NTN1: variants seen among roughly 807,000 people sequenced by gnomAD.
NTN1 encodes the protein netrin-1.
NTN1 carries 11 observed loss-of-function variants against 54.2 expected under a neutral mutation model. The ratio of observed to expected loss-of-function variants is 0.20; its 90% CI spans 0.13 to 0.34. NTN1 has a LOEUF of 0.34. Among genes scored for constraint, NTN1 ranks in the 10% least tolerant of loss-of-function variants. NTN1 has a pLI of 1.00. For synonymous variants in NTN1, 371 were observed against 382.0 expected, an observed-to-expected ratio of 0.97 and a Z score of 0.33; for missense variants, 740 against 893.1, an observed-to-expected ratio of 0.83 and a Z score of 2.18.
At chr17:9,201,777 C>T (rs1174815106) in intron 5 of NTN1, among the ~76,000 whole-genome samples, 2 of 152,006 alleles carry the variant, frequency 1.3e-5, no homozygotes, top group African/African-American at 2.4e-5. Context: ...CTGTGGATGA[C>T]AGGGAGTCAG....
chr17:9,012,627 C>T, the NTN1 span, among the ~76,000 whole-genome samples: 1 of 152,126 alleles, frequency 6.6e-6, no homozygotes, highest in Non-Finnish European at 1.5e-5. Flanking sequence ...CATCTGTCCC[C>T]AGAGCTTCCT....
At chr17:9,115,718 G>A (rs551742028) in intron 2 of NTN1, among the ~76,000 whole-genome samples, 3 of 152,292 alleles carry the variant, frequency 2.0e-5, no homozygotes, top group South Asian at 2.1e-4. Flanking sequence ...TCCCGGGGCC[G>A]CAGCCCCCAG....
At chr17:9,050,927 C>T (rs75028496) in intron 2 of NTN1, among the ~76,000 whole-genome samples, 1,528 of 152,290 alleles carry the variant, frequency 0.01, 27 homozygotes, top group African/African-American at 0.032. Flanking sequence ...AGTCAGCTCC[C>T]AGTCTCCCTC....
chr17:9,052,907 T>G (rs1204622814), intron 2 of NTN1, among the ~76,000 whole-genome samples: 1 of 152,234 alleles, frequency 6.6e-6, no homozygotes, highest in Non-Finnish European at 1.5e-5. Flanking sequence ...TCTCTGTCCC[T>G]GTGGCAGCTC....
chr17:9,110,775 G>C (rs955272068), intron 2 of NTN1, among the ~76,000 whole-genome samples: 23 of 152,130 alleles, frequency 1.5e-4, no homozygotes, highest in African/African-American at 5.6e-4. Context: ...CCCAGTTTCT[G>C]GTGGCTGCTG....
intron 2 of NTN1, among the ~76,000 whole-genome samples, chr17:9,090,058 T>A (rs982881704): frequency 6.6e-6 from 1 of 152,114 alleles, no homozygotes; most frequent in Non-Finnish European, 1.5e-5. Context: ...AGGCTGAGGC[T>A]GGAGGACGGG....
intron 2 of NTN1, among the ~76,000 whole-genome samples, chr17:9,044,705 C>G (rs1439926653): frequency 6.7e-6 from 1 of 149,188 alleles, no homozygotes; most frequent in Non-Finnish European, 1.5e-5. Context: ...TCTCCAGATA[C>G]TCTATATTCT....
intron 6 of NTN1, among the ~76,000 whole-genome samples, chr17:9,228,330 AC>A (rs1567746162): frequency 6.6e-6 from 1 of 152,190 alleles, no homozygotes; most frequent in Non-Finnish European, 1.5e-5. Flanking sequence ...GCACGAGGAA[AC>A]GGGAGAAGAG....
chr17:9,129,013 T>C (rs1269320583), intron 2 of NTN1, among the ~76,000 whole-genome samples: 1 of 152,190 alleles, frequency 6.6e-6, no homozygotes, highest in Non-Finnish European at 1.5e-5. Context: ...TTTCTTTGCT[T>C]GCAGCACTGG....
intron 5 of NTN1, among the ~76,000 whole-genome samples, chr17:9,192,834 G>A (rs928697140): frequency 2.0e-4 from 31 of 151,994 alleles, no homozygotes; most frequent in African/African-American, 4.4e-4. Flanking sequence ...TAATCCCAGC[G>A]CTTTGGGAGG....
At chr17:9,019,712 G>C (rs76353547), upstream of NTN1, among the ~76,000 whole-genome samples, 493 of 152,312 alleles carry the variant, frequency 3.2e-3, 7 homozygotes, top group African/African-American at 0.011. Flanking sequence ...TTTGAACCCA[G>C]GTACCCTGGC....
chr17:9,202,029 T>TACACACACACACACACACAC lies in NTN1; in HGVS notation c.1411+19068_1411+19087dup, dbSNP rs1200661283. On this transcript the variant is annotated intron_variant, in intron 5 of 6. Coordinates refer to ENST00000173229, the MANE Select transcript of NTN1 (RefSeq NM_004822.3). ...GGTGAAACCCCGTCTCTACTAAAAA[T>TACACACACACACACACACAC]ACACACACACACACACACACACACA... 3.6e-3 allele frequency among the ~76,000 whole-genome samples: 96 copies of TACACACACACACACACACAC among 26,844 alleles called. 4 individuals carry two copies. Among genetic ancestry groups the TACACACACACACACACACAC allele is most frequent in the African/African-American group, 5.9e-3 (35 of 5,946 alleles). 17.6% of individuals were successfully genotyped at this position (26,844 alleles called of 152,430 possible).
At chr17:9,074,926 C>T (rs185797707) in intron 2 of NTN1, among the ~76,000 whole-genome samples, 6 of 152,346 alleles carry the variant, frequency 3.9e-5, no homozygotes, top group South Asian at 2.1e-4. Flanking sequence ...CCTCACTCTG[C>T]GTTTCCCAAC....
chr17:9,217,854 C>CAAAAA (rs11354107), intron 5 of NTN1, among the ~76,000 whole-genome samples: 6 of 95,730 alleles, frequency 6.3e-5, no homozygotes, highest in African/African-American at 1.8e-4. Context: ...GGAAAGACAC[C>CAAAAA]AAAAAAAAAA....
intron 5 of NTN1, among the ~76,000 whole-genome samples, chr17:9,184,691 T>C (rs2092428147): frequency 6.6e-6 from 1 of 152,202 alleles, no homozygotes; most frequent in East Asian, 1.9e-4. Context: ...ATTTCTCTAG[T>C]CCTTGTAGCT....
chr17:9,233,867 C>A (rs1005072613), intron 6 of NTN1, among the ~76,000 whole-genome samples: 13 of 152,200 alleles, frequency 8.5e-5, no homozygotes, highest in African/African-American at 2.9e-4. Context: ...CTGTGCCCAC[C>A]TCCCAGGGGA....
At chr17:9,216,376 T>C (rs1905217065) in intron 5 of NTN1, among the ~76,000 whole-genome samples, 1 of 152,274 alleles carries the variant, frequency 6.6e-6, no homozygotes, top group East Asian at 1.9e-4. Context: ...TTCTCCTAGT[T>C]CATAGAGGCT....
chr17:9,143,606 G>A (rs1485924933), intron 2 of NTN1, among the ~76,000 whole-genome samples: 1 of 152,202 alleles, frequency 6.6e-6, no homozygotes, highest in East Asian at 1.9e-4. Context: ...GGTGACAACT[G>A]TTTTGGCTGC....
chr17:9,169,618 A>G (rs2092381721), intron 3 of NTN1, among the ~76,000 whole-genome samples: 1 of 152,200 alleles, frequency 6.6e-6, no homozygotes, highest in Admixed American at 6.5e-5. Context: ...TAATCCCAGC[A>G]CTTTGGGAGG....
Sources: gnomAD v4.1 joint callset for allele counts (sites outside exome capture counted in the v4.1 genomes callset) on GRCh38, gnomAD v4.1.1 for gene constraint, MANE v1.5 for transcripts, NCBI Gene and HGNC (gene_info 2026-07-23, HGNC 2026-07-21) for gene names.